Variants in SMG1 observed in about 807,000 individuals in gnomAD.
SMG1 encodes serine/threonine-protein kinase SMG1.
A neutral mutation model predicts 419.9 loss-of-function variants in SMG1; 22 were observed. The observed-to-expected ratio is 0.05, with a 90% CI of 0.04 to 0.07. The LOEUF is 0.07. SMG1 is among the 10% of genes least tolerant of loss of function. The pLI is 1.00. For synonymous variants in SMG1, 1,538 were observed against 1,553.5 expected (o/e 0.99, Z 0.23); for missense variants, 3,185 against 4,342.0 (o/e 0.73, Z 7.49).
intron 1 of SMG1, among the ~76,000 whole-genome samples, chr16:18,906,358 C>T (rs187108899): frequency 3.9e-5 from 6 of 152,182 alleles, no homozygotes; most frequent in African/African-American, 1.4e-4. Context: ...TGGTGCGCAC[C>T]TGTAATTCCA....
Position 18,856,420 on chromosome 16 carries a change from T to A in SMG1, c.4235-1516A>T, listed in dbSNP as rs1241465788. 3.4e-5 allele frequency: 5 copies of A among 148,036 alleles called. No individual in the cohort carries two copies. The East Asian group carries it at 1.0e-3, about 31-fold the overall frequency. 9.2% of individuals were successfully genotyped at this position (148,036 alleles called of 1,614,324 possible). A position where few individuals can be genotyped will look rare whatever the true frequency, so the allele number is the denominator to read the frequency against. On this transcript the variant is annotated intron_variant, in intron 29 of 62. Coordinates refer to ENST00000446231, the MANE Select transcript of SMG1 (RefSeq NM_015092.5). ...GGCGTGATCTTGGCTCAATGCAAGA[T>A]CCGCCTCCCTGGTTCATGCCATTCT...
At chr16:18,873,465 GC>G (rs948201075) in intron 13 of SMG1, among the ~76,000 whole-genome samples, 23 of 152,230 alleles carry the variant, frequency 1.5e-4, no homozygotes, top group Admixed American at 1.0e-3. Context: ...CAGGTGATCT[GC>G]CCCCCTCGGT....
chr16:18,901,913 C>G (rs1362241707), intron 1 of SMG1, among the ~76,000 whole-genome samples: 1 of 146,728 alleles, frequency 6.8e-6, no homozygotes, highest in Middle Eastern at 3.4e-3. Flanking sequence ...CCACTGCACT[C>G]CAGCCTGGGC....
At position 18,896,180 on chromosome 16, in the gene SMG1, C is replaced by T. The variant is rs1161048112; in HGVS notation, c.284G>A (p.Gly95Glu). Residue 95 changes from glycine (G) to glutamate (E), a missense_variant, in exon 3 of 63, where the codon GGG (glycine) becomes GAG (glutamate). Gly to Glu is a moderately conservative substitution (Grantham distance 98, BLOSUM62 -2). This residue lies in a region of SMG1 where 42 missense variants were observed against 100.1 expected (regional missense o/e 0.42). Coordinates refer to ENST00000446231, the MANE Select transcript of SMG1 (RefSeq NM_015092.5). ...KGGYSVNGGSGENTYGRKSLG... is the reference protein window; with the variant it reads ...KGGYSVNGGSEENTYGRKSLG... ...CGACTTCCGACCATAAGTATTTTCC[C>T]CAGATCCTCCATTGACACTGTAGCC... 1 of 1,541,354 alleles carries T rather than the reference C, an allele frequency of 6.5e-7. No individual in the cohort carries two copies. Among genetic ancestry groups the T allele is most frequent in the East Asian group, 2.2e-5 (1 of 44,556 alleles).
At position 18,859,174 on chromosome 16, in the gene SMG1, C is replaced by T. The variant is rs1311669490; in HGVS notation, c.3961G>A (p.Val1321Ile). The T allele has an allele frequency of 2.2e-5, 34 of 1,532,352 alleles. 1 individual carries two copies. Among genetic ancestry groups the T allele is most frequent in the Non-Finnish European group, 2.3e-5 (26 of 1,144,610 alleles). The allele number at this position is 1,532,352 out of a possible 1,614,324, so 94.9% of individuals were successfully genotyped here. A position where few individuals can be genotyped will look rare whatever the true frequency, so the allele number is the denominator to read the frequency against. Residue 1321 changes from valine to isoleucine, a missense_variant, in exon 28 of 63, where the codon GTA becomes ATA. Physicochemically the swap from Val to Ile is conservative, Grantham distance 29. Around this residue, in one of 27 missense-constraint regions of SMG1, gnomAD observed 120 missense variants for 193.3 expected, o/e 0.62. Transcript: ENST00000446231. The part of the protein sequence containing the change: ...QKWQSITENV[V>I]KYLKQTSRIA... ...CGGGATGTTTGCTTCAAGTACTTTA[C>T]CACATTTCTGAAACAAAATATTTAC... is the stretch of plus-strand genomic sequence containing the variant.
chr16:18,871,381 T>A lies in SMG1; in HGVS notation c.2285A>T (p.Lys762Ile). Residue 762 changes from lysine to isoleucine, a missense_variant, in exon 16 of 63, where the codon AAA becomes ATA. By Grantham distance (102) the Lys-to-Ile change is moderately radical (BLOSUM62 -3). This residue lies in a region of SMG1 where 297 missense variants were observed against 491.0 expected (regional missense o/e 0.60). Coordinates refer to ENST00000446231, the MANE Select transcript of SMG1 (RefSeq NM_015092.5). ...AGTCTTACTGTTGGCTAAAAGGCCT[T>A]TGCAAAATTTATGGAAAGACGGAAG... is the stretch of plus-strand genomic sequence containing the variant. ...FSLPSFHKFC[K>I]GLLANTLVED... 1 of 1,576,394 alleles carries A rather than the reference T, an allele frequency of 6.3e-7. No individual in the cohort carries two copies. Among genetic ancestry groups the A allele is most frequent in the South Asian group, 1.2e-5 (1 of 84,316 alleles).
chr16:18,840,001 A>G, intron 41 of SMG1, 55 bp from the exon 42 acceptor site: 1 of 1,383,182 alleles, frequency 7.2e-7, no homozygotes, highest in African/African-American at 1.5e-5. Flanking sequence ...TATAAGGAAA[A>G]AGAGTGCCTT....
chr16:18,827,350 C>CGG (rs2032761295), intron 55 of SMG1, among the ~76,000 whole-genome samples: 2 of 151,336 alleles, frequency 1.3e-5, no homozygotes, highest in African/African-American at 4.9e-5. Flanking sequence ...CGCTTGAACC[C>CGG]GAGAGGCAGA....
At chr16:18,840,756 A>C (rs533377843) in intron 41 of SMG1, among the ~76,000 whole-genome samples, 4 of 152,338 alleles carry the variant, frequency 2.6e-5, no homozygotes, top group South Asian at 4.1e-4. Context: ...ATTATTTACA[A>C]ATTTAATTTA....
intron 62 of SMG1, 85 bp downstream of exon 62, chr16:18,811,676 A>T: frequency 1.7e-6 from 2 of 1,153,510 alleles, no homozygotes; most frequent in Non-Finnish European, 2.6e-6. Flanking sequence ...ATGAACTATT[A>T]AGGAAATCGA....
At chr16:18,831,004 G>A (rs925357504) in intron 51 of SMG1, among the ~76,000 whole-genome samples, 10 of 152,148 alleles carry the variant, frequency 6.6e-5, no homozygotes, top group South Asian at 2.1e-4. Context: ...TAAAGCTGGC[G>A]GACCTAGTAA....
Position 18,880,257 on chromosome 16 carries a change from CACAA to C in SMG1, c.1294-542_1294-539del, listed in dbSNP as rs1467979842. Among the ~76,000 whole-genome samples, 12 of 152,308 alleles carry C rather than the reference CACAA, an allele frequency of 7.9e-5. No individual in the cohort carries two copies. In the South Asian group the frequency reaches 2.5e-3, roughly 32 times the overall value. On this transcript the variant is annotated intron_variant, in intron 10 of 62. Coordinates refer to ENST00000446231, the MANE Select transcript of SMG1 (RefSeq NM_015092.5). ...AAAATCATATTATTTCCAATACACA[CACAA>C]ACAAAATCCCCCACTTAACTATAAT... is the stretch of plus-strand genomic sequence containing the variant.
intron 6 of SMG1, among the ~76,000 whole-genome samples, chr16:18,887,188 T>C (rs573924068): frequency 6.6e-6 from 1 of 152,270 alleles, no homozygotes; most frequent in East Asian, 1.9e-4. Context: ...TACTGGTGCA[T>C]CTATCTTTCT....
intron 9 of SMG1, 139 bp downstream of exon 9, chr16:18,883,931 A>AG: frequency 2.4e-6 from 1 of 411,762 alleles, no homozygotes; most frequent in East Asian, 4.1e-5. Context: ...AAAAAAAAAA[A>AG]AAAATGTTTA....
Position 18,817,357 on chromosome 16 carries a change from C to T in SMG1, c.10008G>A (p.Met3336Ile), listed in dbSNP as rs377124551. ...LFELIKRCQQ[M>I]CSFASQFNSS... is the part of the protein sequence containing the mutation. ...TGTTAAACTGTGATGCAAACGAACACATCTGCTGACATCGCTTGATTAGTT... is the reference window on the plus strand; with the variant it reads ...TGTTAAACTGTGATGCAAACGAACATATCTGCTGACATCGCTTGATTAGTT... Residue 3336 changes from methionine (M) to isoleucine (I), a missense_variant, in exon 57 of 63, where the codon ATG becomes ATA. This residue lies in a region of SMG1 where 737 missense variants were observed against 846.6 expected (regional missense o/e 0.87). Transcript: ENST00000446231. 5.3e-5 allele frequency: 86 copies of T among 1,611,906 alleles called. No individual in the cohort carries two copies. Among genetic ancestry groups the T allele is most frequent in the Non-Finnish European group, 7.2e-5 (85 of 1,179,004 alleles).
At chr16:18,814,660 C>T (rs1301198642) in intron 60 of SMG1, among the ~76,000 whole-genome samples, 2 of 151,806 alleles carry the variant, frequency 1.3e-5, no homozygotes, top group African/African-American at 2.4e-5. Context: ...CCGTAACCTC[C>T]ACCTCCCGGG....
Position 18,904,393 on chromosome 16 carries a change from G to A in SMG1, c.93-7437C>T, listed in dbSNP as rs1181156793. ...CTCACGCCTGTAATCCCAGCACTTTGGGAAGCGAAGGCAGGCAGATCATAA... is the reference window on the plus strand; with the variant it reads ...CTCACGCCTGTAATCCCAGCACTTTAGGAAGCGAAGGCAGGCAGATCATAA... On this transcript the variant is annotated intron_variant, in intron 1 of 62. Transcript: ENST00000446231. Among the ~76,000 whole-genome samples the A allele has an allele frequency of 3.3e-4, 50 of 151,788 alleles. 1 individual carries two copies. The highest frequency in any genetic ancestry group is 3.3e-3 in the Admixed American group (50 of 15,248).
chr16:18,867,826 A>G (rs2035605303), intron 22 of SMG1, among the ~76,000 whole-genome samples: 1 of 145,382 alleles, frequency 6.9e-6, no homozygotes, highest in Non-Finnish European at 1.5e-5. Flanking sequence ...CTCCTGCCTC[A>G]GCCTCCCGAG....
chr16:18,836,382 C>G lies in SMG1; in HGVS notation c.7755G>C (p.Glu2585Asp). The change falls in exon 47 of 63, where the codon GAG becomes GAC. Residue 2585 changes from glutamate to aspartate, a missense_variant. Physicochemically the swap from Glu to Asp is conservative, Grantham distance 45 (BLOSUM62 2). Coordinates refer to ENST00000446231, the MANE Select transcript of SMG1 (RefSeq NM_015092.5). ...TACCAAGGTCCATTTGTGTGCTTAT[C>G]TCTTGAAGCAAGCTTGCAAGCTGTG... is the stretch of plus-strand genomic sequence containing the variant. The part of the protein sequence containing the change: ...EATQLASLLQ[E>D]ISTQMDLGPP... 1.2e-6 allele frequency: 2 copies of G among 1,613,886 alleles called. 1 individual carries two copies. The highest frequency in any genetic ancestry group is 2.2e-5 in the South Asian group (2 of 91,062).
Sources: gnomAD v4.1 joint callset for allele counts (sites outside exome capture counted in the v4.1 genomes callset) on GRCh38, gnomAD v4.1.1 for gene constraint, gnomAD v4.1.1 regional missense constraint, MANE v1.5 for transcripts, NCBI Gene and HGNC (gene_info 2026-07-23, HGNC 2026-07-21) for gene names.